The following YEATS2 variants were observed in gnomAD, a reference collection of about 807,000 sequenced individuals.
YEATS2 encodes the protein YEATS domain-containing protein 2.
In YEATS2, 77 loss-of-function variants were observed where a neutral mutation model predicts 163.2. The observed-to-expected ratio is 0.47, with a 90% CI of 0.39 to 0.57. The LOEUF (loss-of-function observed/expected upper bound fraction) is 0.57, where lower values mean the gene tolerates loss of function less well. YEATS2 is among the 20% of genes least tolerant of loss of function. The pLI is 0.00. For synonymous variants in YEATS2, 631 were observed against 645.1 expected (o/e 0.98, Z 0.33); for missense variants, 1,549 against 1,729.8 (o/e 0.90, Z 1.85).
In YEATS2 at chr3:183,775,982, A is replaced by C. The variant is rs539213451; in HGVS notation, c.2436A>C (p.Gly812=). 4.4e-5 allele frequency: 60 copies of C among 1,372,666 alleles called. No individual in the cohort carries two copies. Among genetic ancestry groups the C allele is most frequent in the Middle Eastern group, 2.1e-4 (1 of 4,754 alleles). The allele number at this position is 1,372,666 out of a possible 1,614,324, so 85.0% of individuals were successfully genotyped here. ...GAGGGGGGGG[G]GGSGSGGGGS... is the part of the protein sequence containing the mutation. ...GAGGAGGAGGAGGAGGAGGAGGAGG[A>C]GGCGGCAGTGGCAGCGGTGGAGGCG... Residue 812 remains glycine (G), a synonymous_variant, in exon 18 of 31, where the codon GGA becomes GGC. Transcript: ENST00000305135.
At chr3:183,779,097 G>A (rs1723297947) in intron 19 of YEATS2, among the ~76,000 whole-genome samples, 2 of 151,782 alleles carry the variant, frequency 1.3e-5, no homozygotes, top group South Asian at 4.1e-4. Context: ...TTTTAATAGA[G>A]ACAGGGTTTC....
intron 1 of YEATS2, among the ~76,000 whole-genome samples, chr3:183,703,895 T>C (rs1191286328): frequency 1.3e-5 from 2 of 152,254 alleles, no homozygotes; most frequent in South Asian, 4.1e-4. Flanking sequence ...GCGTAGTGGC[T>C]CACGCTTGTA....
At position 183,709,874 on chromosome 3, in the gene YEATS2, G is replaced by A. The variant is rs545611031; in HGVS notation, c.-19-5270G>A. 2.6e-5 allele frequency among the ~76,000 whole-genome samples: 4 copies of A among 151,452 alleles called. No individual in the cohort carries two copies. The South Asian group carries it at 6.3e-4, about 24-fold the overall frequency. On this transcript the variant is annotated intron_variant, in intron 1 of 30. Transcript: ENST00000305135. ...TTGTATTTTTTTTAGTAGAGACGGG[G>A]TTTCCCCATGTTAGCCAGGATGGTC... is the stretch of plus-strand genomic sequence containing the variant.
At chr3:183,722,895 G>T (rs927985372) in intron 5 of YEATS2, among the ~76,000 whole-genome samples, 5 of 150,238 alleles carry the variant, frequency 3.3e-5, no homozygotes, top group African/African-American at 1.2e-4. Context: ...TTCATGATCT[G>T]CCTGCCTCGG....
chr3:183,731,297 CAAAAA>C (rs63002261), intron 7 of YEATS2, among the ~76,000 whole-genome samples: 51 of 122,794 alleles, frequency 4.2e-4, no homozygotes, highest in Non-Finnish European at 5.7e-4. Context: ...GAGTCTGTCT[CAAAAA>C]AAAAAAAAAA....
At chr3:183,791,883 G>T (rs1174649527) in intron 21 of YEATS2, among the ~76,000 whole-genome samples, 3 of 152,168 alleles carry the variant, frequency 2.0e-5, no homozygotes, top group African/African-American at 7.2e-5. Flanking sequence ...AGACCACATT[G>T]CCTTAGTTGA....
At chr3:183,807,980 C>A in intron 28 of YEATS2, 50 bp from the exon 29 acceptor site, 1 of 1,461,466 alleles carries the variant, frequency 6.8e-7, no homozygotes. Context: ...TGGAGAGAGG[C>A]TGTTTCTAAA....
At chr3:183,753,648 T>G (rs1720413618) in intron 10 of YEATS2, among the ~76,000 whole-genome samples, 1 of 152,220 alleles carries the variant, frequency 6.6e-6, no homozygotes, top group South Asian at 2.1e-4. Flanking sequence ...TTCCGGAGGC[T>G]GAGGCACAAG....
chr3:183,732,965 GTCC>G (rs144305171), intron 7 of YEATS2, among the ~76,000 whole-genome samples: 3,898 of 152,188 alleles, frequency 0.026, 174 homozygotes, highest in African/African-American at 0.089. Context: ...GGCTCGAACT[GTCC>G]TCCTACTTTA....
intron 7 of YEATS2, among the ~76,000 whole-genome samples, chr3:183,735,618 G>C (rs1718253857): frequency 6.6e-6 from 1 of 152,040 alleles, no homozygotes; most frequent in Admixed American, 6.6e-5. Flanking sequence ...TTTTCAGGTC[G>C]TGTTCTTGAA....
intron 26 of YEATS2, 147 bp from the exon 27 acceptor site, chr3:183,803,838 TAA>T: frequency 3.9e-6 from 3 of 767,478 alleles, no homozygotes; most frequent in Middle Eastern, 3.8e-4. Flanking sequence ...CTTTTTTTTT[TAA>T]TGGGGAGTAA....
chr3:183,762,761 G>T (rs961173215), intron 15 of YEATS2, among the ~76,000 whole-genome samples: 2 of 151,586 alleles, frequency 1.3e-5, no homozygotes, highest in Non-Finnish European at 2.9e-5. Context: ...TTTTAAAATA[G>T]CACATAGAGG....
chr3:183,706,344 C>T (rs1714612439), intron 1 of YEATS2, among the ~76,000 whole-genome samples: 1 of 152,036 alleles, frequency 6.6e-6, no homozygotes, highest in African/African-American at 2.4e-5. Context: ...GTTCACATCT[C>T]TTAGGTCATG....
chr3:183,755,351 A>C (rs1720612191), intron 11 of YEATS2, among the ~76,000 whole-genome samples: 1 of 152,104 alleles, frequency 6.6e-6, no homozygotes. Context: ...TCCTGACCTC[A>C]GGTGATCCAC....
intron 1 of YEATS2, among the ~76,000 whole-genome samples, chr3:183,707,739 A>C (rs1413895458): frequency 7.2e-6 from 1 of 139,152 alleles, no homozygotes; most frequent in Non-Finnish European, 1.5e-5. Context: ...GCTGGAGTGC[A>C]GTGGCGCAAT....
intron 19 of YEATS2, among the ~76,000 whole-genome samples, chr3:183,780,119 G>A (rs1348559805): frequency 6.7e-6 from 1 of 150,016 alleles, no homozygotes; most frequent in Non-Finnish European, 1.5e-5. Flanking sequence ...ACTTCCACTT[G>A]TTGAGCTTTA....
At chr3:183,774,971 A>G (rs562663777) in intron 17 of YEATS2, among the ~76,000 whole-genome samples, 1 of 152,372 alleles carries the variant, frequency 6.6e-6, no homozygotes, top group South Asian at 2.1e-4. Context: ...TTGGGAAGGA[A>G]GCTATTCCAA....
chr3:183,719,686 A>T (rs1000338781), intron 4 of YEATS2, among the ~76,000 whole-genome samples: 5 of 150,666 alleles, frequency 3.3e-5, no homozygotes, highest in South Asian at 2.1e-4. Flanking sequence ...TTTTTTTTTT[A>T]AAAGAGACAT....
At chr3:183,747,547 A>T (rs1454204390) in intron 8 of YEATS2, 125 bp from the exon 9 acceptor site, 28 of 550,094 alleles carry the variant, frequency 5.1e-5, no homozygotes, top group Non-Finnish European at 7.4e-5. Context: ...TATATTTTAC[A>T]TTATGAAAAA....
Sources: allele counts gnomAD v4.1 joint callset (sites outside exome capture counted in the v4.1 genomes callset), GRCh38; gene constraint gnomAD v4.1.1; transcripts MANE v1.5; gene names NCBI Gene and HGNC (gene_info 2026-07-23, HGNC 2026-07-21).